CCKBR: variants seen among roughly 807,000 people sequenced by gnomAD.
The protein encoded by CCKBR is cholecystokinin B receptor, also known as gastrin/cholecystokinin type B receptor.
In CCKBR, 33 loss-of-function variants were observed where a neutral mutation model predicts 34.6. The ratio of observed to expected loss-of-function variants is 0.95; its 90% CI spans 0.72 to 1.27. The LOEUF (loss-of-function observed/expected upper bound fraction) is 1.27. CCKBR is among the 50% of genes most tolerant of loss of function. CCKBR has a pLI of 0.00. For synonymous variants in CCKBR, 269 were observed against 267.5 expected (o/e 1.01, Z -0.06); for missense variants, 652 against 617.4 (o/e 1.06, Z -0.59).
intron 1 of CCKBR, among the ~76,000 whole-genome samples, chr11:6,268,804 AGAG>A (rs1209516394): frequency 6.6e-6 from 1 of 152,248 alleles, no homozygotes; most frequent in Non-Finnish European, 1.5e-5. Context: ...GGTCAGAGAA[AGAG>A]GAGAGTAGAA....
In CCKBR at chr11:6,270,173, A is replaced by G; in HGVS notation, c.489A>G (p.Arg163=). The change falls in exon 3 of 5, where the codon CGA becomes CGG. Residue 163 remains arginine, a synonymous_variant. Coordinates refer to ENST00000334619, the MANE Select transcript of CCKBR (RefSeq NM_176875.4). Reference sequence around the variant, plus strand: ...CCATCTGCCGACCACTGCAGGCACGAGTGTGGCAGACGCGCTCCCACGCGG... The same window carrying G: ...CCATCTGCCGACCACTGCAGGCACGGGTGTGGCAGACGCGCTCCCACGCGG... The part of the protein sequence containing the change: ...YSAICRPLQA[R]VWQTRSHAAR... 3 of 1,613,934 alleles carry G rather than the reference A, an allele frequency of 1.9e-6. No homozygotes were observed. In the Middle Eastern group the frequency reaches 5.0e-4, roughly 268 times the overall value.
chr11:6,271,448 C>T lies in CCKBR; in HGVS notation c.1249C>T (p.Pro417Ser). The part of the protein sequence containing the change: ...RCCPRPPRAR[P>S]RALPDEDPPT... Reference sequence around the variant, plus strand: ...CTGCCCCCGGCCTCCACGAGCTCGCCCCAGGGCTCTTCCCGATGAGGACCC... The same window carrying T: ...CTGCCCCCGGCCTCCACGAGCTCGCTCCAGGGCTCTTCCCGATGAGGACCC... Residue 417 changes from proline (P) to serine (S), a missense_variant, in exon 5 of 5, where the codon CCC becomes TCC. Transcript: ENST00000334619. 6.2e-7 allele frequency: 1 copy of T among 1,613,490 alleles called. No individual in the cohort carries two copies. Among genetic ancestry groups the T allele is most frequent in the Non-Finnish European group, 8.5e-7 (1 of 1,180,040 alleles).
chr11:6,262,243 G>A (rs182108562), intron 1 of CCKBR, among the ~76,000 whole-genome samples: 18 of 152,168 alleles, frequency 1.2e-4, no homozygotes, highest in Non-Finnish European at 2.4e-4. Context: ...ACTTGAAGAA[G>A]GTCTTTGCCT....
At chr11:6,265,466 G>T (rs1249919826) in intron 1 of CCKBR, among the ~76,000 whole-genome samples, 2 of 152,068 alleles carry the variant, frequency 1.3e-5, no homozygotes, top group Non-Finnish European at 2.9e-5. Flanking sequence ...TTGAGGTGTG[G>T]CGAATTGCAT....
At position 6,269,665 on chromosome 11, in the gene CCKBR, C is replaced by A; in HGVS notation, c.152-4C>A. The A allele has an allele frequency of 6.2e-7, 1 of 1,611,858 alleles. No homozygotes were observed. The highest frequency in any genetic ancestry group is 8.5e-7 in the Non-Finnish European group (1 of 1,179,326). ...TACTGCCACCTCTCCCTTTTCTTAC[C>A]CAGAATTGGAGCTGGCCATTAGAAT... On this transcript the variant is annotated splice_polypyrimidine_tract_variant and splice_region_variant and intron_variant, in intron 1 of 4. Transcript: ENST00000334619.
At chr11:6,261,292 C>T (rs1848124707) in intron 1 of CCKBR, among the ~76,000 whole-genome samples, 1 of 151,540 alleles carries the variant, frequency 6.6e-6, no homozygotes, top group African/African-American at 2.4e-5. Context: ...GTGGAAGAGC[C>T]TTGACAGGGA....
Position 6,270,713 on chromosome 11 carries a change from A to G in CCKBR, c.721A>G (p.Ile241Val), listed in dbSNP as rs200174598. The change falls in exon 4 of 5, where the codon ATC becomes GTC. Residue 241 changes from isoleucine (I) to valine (V), a missense_variant. Coordinates refer to ENST00000334619, the MANE Select transcript of CCKBR (RefSeq NM_176875.4). ...GGTTATGGCCGTGGCCTACGGGCTT[A>G]TCTCTCGCGAGCTCTACTTAGGGCT... ...GVVMAVAYGL[I>V]SRELYLGLRF... 31 of 1,614,166 alleles carry G rather than the reference A, an allele frequency of 1.9e-5. No homozygotes were observed. The Admixed American group carries it at 4.8e-4, about 25-fold the overall frequency.
Position 6,271,949 on chromosome 11 carries a change from G to A in CCKBR, c.*406G>A, listed in dbSNP as rs8192471. ...GGGATGCTCCTAGTTTGACCTCACAGTGACCCTTCCCAATCAGCACTGAAA... is the reference window on the plus strand; with the variant it reads ...GGGATGCTCCTAGTTTGACCTCACAATGACCCTTCCCAATCAGCACTGAAA... On this transcript the variant is annotated 3_prime_UTR_variant, in exon 5 of 5. Coordinates refer to ENST00000334619, the MANE Select transcript of CCKBR (RefSeq NM_176875.4). 0.11 allele frequency: 20,355 copies of A among 183,346 alleles called. 1,198 individuals carry two copies. The highest frequency in any genetic ancestry group is 0.16 in the Middle Eastern group (72 of 460). The allele number at this position is 183,346 out of a possible 1,614,324, so 11.4% of individuals were successfully genotyped here. A position where few individuals can be genotyped will look rare whatever the true frequency, so the allele number is the denominator to read the frequency against.
chr11:6,261,069 C>G (rs1207580026), intron 1 of CCKBR, among the ~76,000 whole-genome samples: 2 of 152,120 alleles, frequency 1.3e-5, no homozygotes, highest in Non-Finnish European at 2.9e-5. Flanking sequence ...AAATTGTAAT[C>G]CAAGTATTTA....
intron 1 of CCKBR, among the ~76,000 whole-genome samples, chr11:6,264,886 TA>T (rs1393901713): frequency 1.3e-5 from 2 of 152,216 alleles, no homozygotes; most frequent in African/African-American, 4.8e-5. Flanking sequence ...ACCCTATTAT[TA>T]ACAGCTTACA....
At chr11:6,269,540 T>G (rs1848259130) in intron 1 of CCKBR, 129 bp from the exon 2 acceptor site, 1 of 1,067,898 alleles carries the variant, frequency 9.4e-7, no homozygotes, top group African/African-American at 1.6e-5. Context: ...CACCATTTAC[T>G]GAGCAGTTCA....
At chr11:6,261,806 G>A (rs532509715) in intron 1 of CCKBR, among the ~76,000 whole-genome samples, 1 of 152,278 alleles carries the variant, frequency 6.6e-6, no homozygotes, top group Admixed American at 6.5e-5. Context: ...TGTGGAGAAC[G>A]GATTGGAAGA....
At position 6,271,418 on chromosome 11, in the gene CCKBR, C is replaced by A; in HGVS notation, c.1219C>A (p.Arg407Ser). ...CCAGGCCTGCCTGGAAACTTGCGCT[C>A]GCTGCTGCCCCCGGCCTCCACGAGC... ...FRQACLETCA[R>S]CCPRPPRARP... The change falls in exon 5 of 5, where the codon CGC becomes AGC. Residue 407 changes from arginine to serine, a missense_variant. Transcript: ENST00000334619. 1 of 1,613,838 alleles carries A rather than the reference C, an allele frequency of 6.2e-7. No homozygotes were observed. Among genetic ancestry groups the A allele is most frequent in the Non-Finnish European group, 8.5e-7 (1 of 1,180,028 alleles).
intron 1 of CCKBR, among the ~76,000 whole-genome samples, chr11:6,262,575 G>C (rs566064621): frequency 1.3e-5 from 2 of 152,196 alleles, no homozygotes; most frequent in East Asian, 3.9e-4. Flanking sequence ...GGAGTTGTAG[G>C]TATTGAGGCT....
At chr11:6,264,721 C>G (rs1370572839) in intron 1 of CCKBR, 2 of 380,466 alleles carry the variant, frequency 5.3e-6, no homozygotes, top group Non-Finnish European at 8.9e-6. Context: ...AAACACACAT[C>G]AATACACACA....
intron 1 of CCKBR, chr11:6,264,618 G>T: frequency 1.5e-6 from 1 of 688,688 alleles, no homozygotes; most frequent in Non-Finnish European, 2.6e-6. Context: ...AGGCACTTGT[G>T]GATGTACCCC....
Position 6,259,958 on chromosome 11 carries a change from G to A in CCKBR, c.30G>A (p.Val10=). 1 of 1,531,290 alleles carries A rather than the reference G, an allele frequency of 6.5e-7. No individual in the cohort carries two copies. The allele number at this position is 1,531,290 out of a possible 1,614,324, so 94.9% of individuals were successfully genotyped here. A position where few individuals can be genotyped will look rare whatever the true frequency, so the allele number is the denominator to read the frequency against. Residue 10 remains valine, a synonymous_variant, in exon 1 of 5, where the codon GTG becomes GTA. Coordinates refer to ENST00000334619, the MANE Select transcript of CCKBR (RefSeq NM_176875.4). ...AGCTGCTAAAGCTGAACCGGAGCGT[G>A]CAGGGAACCGGACCCGGGCCGGGGG... The part of the protein sequence containing the change: MELLKLNRS[V]QGTGPGPGAS...
intron 1 of CCKBR, among the ~76,000 whole-genome samples, chr11:6,262,707 AG>A (rs1263671713): frequency 9.5e-5 from 14 of 147,068 alleles, no homozygotes; most frequent in Non-Finnish European, 2.0e-4. Flanking sequence ...AGAGAGAGAG[AG>A]AGAGAGAGAG....
intron 1 of CCKBR, among the ~76,000 whole-genome samples, chr11:6,261,262 G>T (rs1362805398): frequency 1.3e-5 from 2 of 151,468 alleles, no homozygotes; most frequent in African/African-American, 4.9e-5. Flanking sequence ...AGACAGAAAA[G>T]CAGGGGATTG....
Sources: allele counts gnomAD v4.1 joint callset (sites outside exome capture counted in the v4.1 genomes callset), GRCh38; gene constraint gnomAD v4.1.1; transcripts MANE v1.5; gene names NCBI Gene and HGNC (gene_info 2026-07-23, HGNC 2026-07-21).